Variants in FOXN3 observed in about 807,000 individuals in gnomAD.
FOXN3 encodes the protein forkhead box N3.
In FOXN3, 7 loss-of-function variants were observed where a neutral mutation model predicts 38.4. The observed-to-expected ratio is 0.18, with a 90% CI of 0.10 to 0.34. The LOEUF is 0.34. Among genes scored for constraint, FOXN3 ranks in the 10% least tolerant of loss-of-function variants. The pLI, the probability that FOXN3 is intolerant of heterozygous loss-of-function variation, is 1.00. For missense variants in FOXN3, 456 were observed against 613.4 expected (o/e 0.74, Z 2.71); for synonymous variants, 230 against 242.2 (o/e 0.95, Z 0.47).
At chr14:89,245,636 A>G (rs1040534241) in intron 4 of FOXN3, among the ~76,000 whole-genome samples, 7 of 152,238 alleles carry the variant, frequency 4.6e-5, no homozygotes, top group Non-Finnish European at 8.8e-5. Context: ...TGTTCCATCC[A>G]TCAGGACCAG....
intron 4 of FOXN3, among the ~76,000 whole-genome samples, chr14:89,208,242 T>C (rs559673640): frequency 6.6e-6 from 1 of 152,320 alleles, no homozygotes; most frequent in African/African-American, 2.4e-5. Flanking sequence ...GCCCTACCCA[T>C]TGGCGTGACA....
intron 3 of FOXN3, among the ~76,000 whole-genome samples, chr14:89,346,288 TC>T (rs1233064235): frequency 2.0e-5 from 3 of 152,160 alleles, no homozygotes; most frequent in African/African-American, 7.2e-5. Flanking sequence ...CACAGTTAAT[TC>T]ATATTTTGCA....
intron 4 of FOXN3, 149 bp from the exon 5 acceptor site, chr14:89,180,955 C>CAT (rs774135048): frequency 4.5e-6 from 2 of 440,830 alleles, no homozygotes; most frequent in Non-Finnish European, 8.2e-6. Flanking sequence ...CGTGCACATA[C>CAT]ACACACACAC....
intron 3 of FOXN3, among the ~76,000 whole-genome samples, chr14:89,340,113 G>A (rs911327349): frequency 3.9e-5 from 6 of 152,160 alleles, no homozygotes; most frequent in Middle Eastern, 3.2e-3. Context: ...GGGGGGTGCA[G>A]GGGAAGGAGG....
intron 1 of FOXN3, among the ~76,000 whole-genome samples, chr14:89,590,712 A>G (rs1407516288): frequency 6.6e-6 from 1 of 152,166 alleles, no homozygotes; most frequent in Non-Finnish European, 1.5e-5. Flanking sequence ...TTCCCCAAAG[A>G]AGGACATAGA....
At chr14:89,468,456 AACACAC>A (rs550963380) in intron 1 of FOXN3, among the ~76,000 whole-genome samples, 4 of 148,622 alleles carry the variant, frequency 2.7e-5, no homozygotes, top group South Asian at 2.1e-4. Flanking sequence ...TGTGTCTCAA[AACACAC>A]ACACACACAC....
intron 5 of FOXN3, among the ~76,000 whole-genome samples, chr14:89,170,319 C>T (rs1037685963): frequency 2.0e-5 from 3 of 152,188 alleles, no homozygotes; most frequent in African/African-American, 7.2e-5. Context: ...CTGACACGCA[C>T]ACACACACAA....
intron 4 of FOXN3, among the ~76,000 whole-genome samples, chr14:89,262,850 A>G (rs906968684): frequency 2.0e-5 from 3 of 152,254 alleles, no homozygotes; most frequent in East Asian, 1.9e-4. Context: ...TTAATTGAAG[A>G]TAACAAATGG....
chr14:89,195,053 T>C (rs1031624781), intron 4 of FOXN3, among the ~76,000 whole-genome samples: 1 of 152,244 alleles, frequency 6.6e-6, no homozygotes, highest in African/African-American at 2.4e-5. Flanking sequence ...CTGCACTGTT[T>C]GTACAGGCAT....
At position 89,280,951 on chromosome 14, in the gene FOXN3, T is replaced by G. The variant is rs1400145665; in HGVS notation, c.744A>C (p.Gln248His). 4.3e-6 allele frequency: 7 copies of G among 1,613,422 alleles called. No homozygotes were observed. The highest frequency in any genetic ancestry group is 5.9e-6 in the Non-Finnish European group (7 of 1,179,738). ...GAAGGGGTGTTACTAGGGACCTACC[T>G]TGGAGAAGGGCTCCATTTCTCTTGA... The part of the protein sequence containing the change: ...TFFKRNGALL[Q>H]VPPGVIQNGA... Residue 248 changes from glutamine (Q) to histidine (H), a missense_variant and splice_region_variant, in exon 4 of 6, where the codon CAA (glutamine) becomes CAC (histidine). Gln to His is a conservative substitution (Grantham distance 24). Coordinates refer to ENST00000557258, the MANE Select transcript of FOXN3 (RefSeq NM_005197.4).
In FOXN3 at chr14:89,157,113, C is replaced by T. The variant is rs12889507; in HGVS notation, c.*5301G>A. 1 of 152,606 alleles carries T rather than the reference C, an allele frequency of 6.6e-6. No individual in the cohort carries two copies. Among genetic ancestry groups the T allele is most frequent in the African/African-American group, 2.4e-5 (1 of 41,432 alleles). 9.5% of individuals were successfully genotyped at this position (152,606 alleles called of 1,614,324 possible). ...TGTATATATTCCAAATAAATAGTCT[C>T]GATTTCAATGCTAACAAAACAACAG... On this transcript the variant is annotated 3_prime_UTR_variant, in exon 6 of 6. Transcript: ENST00000557258.
rs67802765 is a variant in FOXN3 at position 89,363,947 on chromosome 14, AAT to A, written c.544-13141_544-13140del. Among the ~76,000 whole-genome samples, 326 of 111,284 alleles carry A rather than the reference AAT, an allele frequency of 2.9e-3. 3 individuals carry two copies. Among genetic ancestry groups the A allele is most frequent in the African/African-American group, 5.1e-3 (99 of 19,362 alleles). 73.0% of individuals were successfully genotyped at this position (111,284 alleles called of 152,430 possible). On this transcript the variant is annotated intron_variant, in intron 2 of 5. Coordinates refer to ENST00000557258, the MANE Select transcript of FOXN3 (RefSeq NM_005197.4). ...TAACTGAGCAAGACCCTGTCTGTAA[AAT>A]ATATATATATATATATATATATATA...
chr14:89,519,641 G>A (rs904227088), intron 1 of FOXN3, among the ~76,000 whole-genome samples: 1 of 152,186 alleles, frequency 6.6e-6, no homozygotes, highest in Admixed American at 6.5e-5. Context: ...TAGGAATAGG[G>A]AGATGAGTGC....
intron 1 of FOXN3, among the ~76,000 whole-genome samples, chr14:89,546,323 C>CTTTT (rs1566694411): frequency 2.2e-5 from 1 of 45,976 alleles, no homozygotes; most frequent in Non-Finnish European, 4.2e-5. Context: ...TTCTTTTTTC[C>CTTTT]TTTTTCTTTT....
chr14:89,618,011 C>T (rs1460653025), intron 1 of FOXN3, among the ~76,000 whole-genome samples: 4 of 152,176 alleles, frequency 2.6e-5, no homozygotes, highest in Admixed American at 2.6e-4. Context: ...CAATGAAAAA[C>T]AGGGAACAAA....
intron 1 of FOXN3, among the ~76,000 whole-genome samples, chr14:89,449,617 C>G (rs1400393658): frequency 6.6e-6 from 1 of 152,200 alleles, no homozygotes; most frequent in Non-Finnish European, 1.5e-5. Context: ...GAAGAAAATG[C>G]CAAGGTGACA....
At chr14:89,462,560 T>C (rs1349793597) in intron 1 of FOXN3, among the ~76,000 whole-genome samples, 2 of 152,182 alleles carry the variant, frequency 1.3e-5, no homozygotes, top group South Asian at 4.1e-4. Context: ...ATGGGCCACA[T>C]CTGGTGAAGG....
intron 1 of FOXN3, among the ~76,000 whole-genome samples, chr14:89,446,404 G>T (rs1596277070): frequency 6.6e-6 from 1 of 151,742 alleles, no homozygotes; most frequent in East Asian, 1.9e-4. Flanking sequence ...GGCCAGGCTG[G>T]TCTCAAACTC....
chr14:89,511,248 T>TCCTTCC (rs1566681262), intron 1 of FOXN3, among the ~76,000 whole-genome samples: 8 of 8,346 alleles, frequency 9.6e-4, no homozygotes, highest in Admixed American at 3.4e-3. Context: ...TTTTCTTTCT[T>TCCTTCC]TTCTTTCTTT....
Sources: gnomAD v4.1 joint callset for allele counts (sites outside exome capture counted in the v4.1 genomes callset) on GRCh38, gnomAD v4.1.1 for gene constraint, MANE v1.5 for transcripts, NCBI Gene and HGNC (gene_info 2026-07-23, HGNC 2026-07-21) for gene names.